Variants in RGS9 observed in about 807,000 individuals in gnomAD.
The protein encoded by RGS9 is regulator of G-protein signalling 9.
Under a neutral mutation model 102.0 loss-of-function variants are expected in RGS9, and 78 were observed. That is an observed-to-expected ratio of 0.76 (90% CI 0.64 to 0.92). The LOEUF (loss-of-function observed/expected upper bound fraction) is 0.92, where lower values mean the gene tolerates loss of function less well. RGS9 is among the 40% of genes least tolerant of loss of function. The pLI, the probability that RGS9 is intolerant of heterozygous loss-of-function variation, is 0.00. For missense variants in RGS9, 833 were observed against 866.1 expected (o/e 0.96, Z 0.48); for synonymous variants, 353 against 318.6 (o/e 1.11, Z -1.15).
At chr17:65,194,948 G>A (rs1912528144) in intron 12 of RGS9, among the ~76,000 whole-genome samples, 3 of 152,218 alleles carry the variant, frequency 2.0e-5, no homozygotes, top group South Asian at 2.1e-4. Context: ...CACGTGGCCC[G>A]CTCTGGGCAG....
chr17:65,179,026 A>G (rs145808764), intron 9 of RGS9, among the ~76,000 whole-genome samples: 142 of 152,218 alleles, frequency 9.3e-4, no homozygotes, highest in African/African-American at 3.2e-3. Context: ...ACCATCCTAG[A>G]CCCATTTAAA....
intron 8 of RGS9, among the ~76,000 whole-genome samples, chr17:65,168,523 T>G (rs1373118436): frequency 1.3e-5 from 2 of 151,434 alleles, no homozygotes; most frequent in African/African-American, 4.9e-5. Context: ...CTGAATGAAT[T>G]TGTCTTTTAC....
At position 65,225,031 on chromosome 17, in the gene RGS9, T is replaced by A; in HGVS notation, c.1437T>A (p.His479Gln). 3 of 1,613,914 alleles carry A rather than the reference T, an allele frequency of 1.9e-6. No homozygotes were observed. Among genetic ancestry groups the A allele is most frequent in the Non-Finnish European group, 2.5e-6 (3 of 1,179,960 alleles). The change falls in exon 18 of 19, where the codon CAT (histidine) becomes CAA (glutamine). Residue 479 changes from histidine (H) to glutamine (Q), a missense_variant. By Grantham distance (24) the His-to-Gln change is conservative. Transcript: ENST00000262406. ...QPGQHMAPSP[H>Q]LTVYTGTCMP... ...GCCAGCACATGGCTCCCAGCCCCCATCTGACCGTGTACACCGGGACCTGCA... is the reference window on the plus strand; with the variant it reads ...GCCAGCACATGGCTCCCAGCCCCCAACTGACCGTGTACACCGGGACCTGCA...
rs756170864 is a variant in RGS9 at position 65,227,292 on chromosome 17, T to C, written c.1910T>C (p.Met637Thr). The C allele has an allele frequency of 1.9e-6, 3 of 1,614,072 alleles. No homozygotes were observed. In the South Asian group the frequency reaches 3.3e-5, roughly 18 times the overall value. Residue 637 changes from methionine (M) to threonine (T), a missense_variant, in exon 19 of 19, where the codon ATG (methionine) becomes ACG (threonine). By Grantham distance (81) the Met-to-Thr change is moderately conservative. This residue lies in a region of RGS9 where 320 missense variants were observed against 276.8 expected (regional missense o/e 1.16). Coordinates refer to ENST00000262406, the MANE Select transcript of RGS9 (RefSeq NM_003835.4). Reference protein sequence around the residue: ...KRVANFFQIKMDVPTGSGTCL... With the variant: ...KRVANFFQIKTDVPTGSGTCL... ...ACCTGAAGCTTTTTCCAGATCAAAA[T>C]GGATGTGCCCACGGGGAGCGGGACC...
intron 7 of RGS9, among the ~76,000 whole-genome samples, chr17:65,167,010 C>T (rs1911211826): frequency 6.6e-6 from 1 of 152,066 alleles, no homozygotes. Context: ...CGTCATCCCA[C>T]GTTGCCTGGG....
At position 65,173,712 on chromosome 17, in the gene RGS9, T is replaced by C. The variant is rs1212390878; in HGVS notation, c.583-4020T>C. On this transcript the variant is annotated intron_variant, in intron 8 of 18. Transcript: ENST00000262406. This position sits in a 1 kb window ranked among gnomAD's most constrained non-coding sequence, Gnocchi z 4.8. ...GGATGCATCGGCTGCCCTTATTTCC[T>C]GGGCGCTGACAGTCAGTTCTGGTTA... Among the ~76,000 whole-genome samples, 2 of 152,228 alleles carry C rather than the reference T, an allele frequency of 1.3e-5. No individual in the cohort carries two copies. The highest frequency in any genetic ancestry group is 4.8e-5 in the African/African-American group (2 of 41,450).
intron 1 of RGS9, among the ~76,000 whole-genome samples, chr17:65,149,827 G>T (rs998831354): frequency 6.6e-6 from 1 of 152,200 alleles, no homozygotes; most frequent in African/African-American, 2.4e-5. Context: ...ATTTTATGGA[G>T]AGAAAGGAGA....
chr17:65,160,588 G>A lies in RGS9; in HGVS notation c.364+1G>A. ...TGGCCAGCTGAAGATACCGATTACG[G>A]TAAATACTTCAGCCCCAACTATGCC... is the stretch of plus-strand genomic sequence containing the variant. On this transcript the variant is annotated splice_donor_variant, in intron 5 of 18. Coordinates refer to ENST00000262406, the MANE Select transcript of RGS9 (RefSeq NM_003835.4). LOFTEE classifies it high-confidence loss of function. 1 of 1,614,074 alleles carries A rather than the reference G, an allele frequency of 6.2e-7. No homozygotes were observed. The highest frequency in any genetic ancestry group is 8.5e-7 in the Non-Finnish European group (1 of 1,179,940).
At chr17:65,191,456 T>C (rs1022077511) in intron 11 of RGS9, among the ~76,000 whole-genome samples, 3 of 152,022 alleles carry the variant, frequency 2.0e-5, no homozygotes, top group Non-Finnish European at 4.4e-5. Flanking sequence ...ATGCCTGTAA[T>C]CCCAGTACTT....
chr17:65,179,965 C>G (rs1460400739), intron 9 of RGS9: 3 of 152,318 alleles, frequency 2.0e-5, no homozygotes, highest in African/African-American at 7.2e-5. Context: ...TTACCGTTAT[C>G]TTCTCTGTCT....
intron 12 of RGS9, among the ~76,000 whole-genome samples, chr17:65,195,943 C>T (rs1912568007): frequency 6.6e-6 from 1 of 152,388 alleles, no homozygotes; most frequent in Middle Eastern, 3.4e-3. Context: ...CCACCCACTC[C>T]TACTGAATCA....
chr17:65,137,608 C>A lies in RGS9; in HGVS notation c.57+11C>A. The A allele has an allele frequency of 6.2e-7, 1 of 1,613,510 alleles. No individual in the cohort carries two copies. The highest frequency in any genetic ancestry group is 8.5e-7 in the Non-Finnish European group (1 of 1,179,792). On this transcript the variant is annotated intron_variant, in intron 1 of 18. Transcript: ENST00000262406. ...GCATTTCTCCAAAAGGTAACCCTGGCCCCTCACCTGGACCCTGGGAGGAGG... is the reference window on the plus strand; with the variant it reads ...GCATTTCTCCAAAAGGTAACCCTGGACCCTCACCTGGACCCTGGGAGGAGG...
At chr17:65,158,053 G>T (rs1473191645) in intron 2 of RGS9, among the ~76,000 whole-genome samples, 1 of 152,170 alleles carries the variant, frequency 6.6e-6, no homozygotes, top group African/African-American at 2.4e-5. Context: ...GTATGTATGT[G>T]TGGGCTGGGG....
intron 8 of RGS9, among the ~76,000 whole-genome samples, chr17:65,175,916 T>C (rs1345769017): frequency 6.6e-6 from 1 of 152,224 alleles, no homozygotes; most frequent in Non-Finnish European, 1.5e-5. Context: ...ATAATAAGCA[T>C]CAAAATATTG....
At chr17:65,146,594 A>AAG (rs1910370366) in intron 1 of RGS9, among the ~76,000 whole-genome samples, 2 of 148,838 alleles carry the variant, frequency 1.3e-5, no homozygotes, top group African/African-American at 5.0e-5. Context: ...AAAAAAAAAA[A>AAG]AAAAGAAAAG....
At chr17:65,205,517 A>G (rs571636651) in intron 15 of RGS9, among the ~76,000 whole-genome samples, 3 of 152,140 alleles carry the variant, frequency 2.0e-5, no homozygotes, top group Non-Finnish European at 4.4e-5. Flanking sequence ...AGGTTATATG[A>G]TATAGGTTAT....
At chr17:65,183,660 C>T (rs995101367) in intron 9 of RGS9, among the ~76,000 whole-genome samples, 3 of 152,126 alleles carry the variant, frequency 2.0e-5, no homozygotes, top group Non-Finnish European at 4.4e-5. Context: ...TGACTTTAGA[C>T]CCCCTCTCTG....
At chr17:65,145,242 C>T (rs1910308074) in intron 1 of RGS9, among the ~76,000 whole-genome samples, 1 of 151,564 alleles carries the variant, frequency 6.6e-6, no homozygotes, top group South Asian at 2.1e-4. Context: ...AGGTGCCCCC[C>T]ACCACGCCTG....
chr17:65,172,951 G>A (rs1396381294), intron 8 of RGS9, among the ~76,000 whole-genome samples: 3 of 149,968 alleles, frequency 2.0e-5, no homozygotes, highest in Admixed American at 6.6e-5. Context: ...GAGATGGAGT[G>A]TTGCCCTATT....
Sources: allele counts gnomAD v4.1 joint callset (sites outside exome capture counted in the v4.1 genomes callset), GRCh38; gene constraint gnomAD v4.1.1; regional missense constraint gnomAD v4.1.1; non-coding constraint Gnocchi (gnomAD v3.1); transcripts MANE v1.5; gene names NCBI Gene and HGNC (gene_info 2026-07-23, HGNC 2026-07-21).